The following PTPRS variants were observed in gnomAD, a reference collection of about 807,000 sequenced individuals.
PTPRS encodes the protein receptor-type tyrosine-protein phosphatase S.
A neutral mutation model predicts 215.3 loss-of-function variants in PTPRS; 63 were observed. That is an observed-to-expected ratio of 0.29 (90% CI 0.24 to 0.36). The LOEUF (loss-of-function observed/expected upper bound fraction) is 0.36, where lower values mean the gene tolerates loss of function less well. Among genes scored for constraint, PTPRS ranks in the 10% least tolerant of loss-of-function variants. The pLI, the probability that PTPRS is intolerant of heterozygous loss-of-function variation, is 1.00. For missense variants in PTPRS, 2,258 were observed against 2,825.8 expected, an observed-to-expected ratio of 0.80 and a Z score of 4.56; for synonymous variants, 1,404 against 1,191.4, an observed-to-expected ratio of 1.18 and a Z score of -3.68.
At chr19:5,266,995 G>A (rs1345033666) in intron 4 of PTPRS, among the ~76,000 whole-genome samples, 2 of 152,068 alleles carry the variant, frequency 1.3e-5, no homozygotes, top group African/African-American at 4.8e-5. Flanking sequence ...TATCTGTAAC[G>A]GTGCATCTGT....
At chr19:5,318,751 C>T (rs2049946543) in intron 1 of PTPRS, among the ~76,000 whole-genome samples, 1 of 152,190 alleles carries the variant, frequency 6.6e-6, no homozygotes, top group Admixed American at 6.5e-5. Flanking sequence ...CTCCTGGGCT[C>T]AAGTGATCCT....
At chr19:5,219,575 T>C in intron 22 of PTPRS, 108 bp from the exon 23 acceptor site, 1 of 1,338,370 alleles carries the variant, frequency 7.5e-7, no homozygotes, top group South Asian at 1.5e-5. Context: ...TAGATCCTCC[T>C]ATATTCCTAG....
At chr19:5,278,949 G>C (rs1048825856) in intron 2 of PTPRS, among the ~76,000 whole-genome samples, 1 of 151,950 alleles carries the variant, frequency 6.6e-6, no homozygotes, top group African/African-American at 2.4e-5. Context: ...CCAGCACTTT[G>C]AGAGGCTGGG....
At chr19:5,329,553 CAGG>C (rs1379600973) in intron 1 of PTPRS, among the ~76,000 whole-genome samples, 1 of 151,788 alleles carries the variant, frequency 6.6e-6, no homozygotes, top group Non-Finnish European at 1.5e-5. Flanking sequence ...ATCACGAGGT[CAGG>C]AGATCAAGAC....
intron 1 of PTPRS, among the ~76,000 whole-genome samples, chr19:5,330,272 C>T (rs1049415044): frequency 6.6e-6 from 1 of 152,094 alleles, no homozygotes; most frequent in Non-Finnish European, 1.5e-5. Context: ...TGAGAAAGGG[C>T]TTGTCATTCC....
intron 12 of PTPRS, among the ~76,000 whole-genome samples, chr19:5,239,737 G>C (rs958998626): frequency 1.3e-5 from 2 of 151,742 alleles, no homozygotes; most frequent in Non-Finnish European, 2.9e-5. Flanking sequence ...CAGATACAGA[G>C]ACAGAGACAG....
chr19:5,235,972 C>T (rs1349347873), intron 13 of PTPRS, among the ~76,000 whole-genome samples: 1 of 152,242 alleles, frequency 6.6e-6, no homozygotes, highest in Admixed American at 6.5e-5. Context: ...GTGCAGCACC[C>T]TCAGCCCATG....
Position 5,229,568 on chromosome 19 carries a change from C to G in PTPRS, c.2272G>C (p.Val758Leu), listed in dbSNP as rs2042838508. 1.4e-6 allele frequency: 2 copies of G among 1,457,172 alleles called. No individual in the cohort carries two copies. The highest frequency in any genetic ancestry group is 1.8e-6 in the Non-Finnish European group (2 of 1,105,888). The allele number at this position is 1,457,172 out of a possible 1,614,324, so 90.3% of individuals were successfully genotyped here. A position where few individuals can be genotyped will look rare whatever the true frequency, so the allele number is the denominator to read the frequency against. ...RQHGQIRGYQVHYVRMEGAEA... is the reference protein window; with the variant it reads ...RQHGQIRGYQLHYVRMEGAEA... ...GCGCCCTCCATGCGCACGTAGTGGA[C>G]CTGGTAGCCGCGGATCTGGCCGTGC... The change falls in exon 15 of 38, where the codon GTC becomes CTC. Residue 758 changes from valine (V) to leucine (L), a missense_variant. By Grantham distance (32) the Val-to-Leu change is conservative. Transcript: ENST00000262963.
At chr19:5,284,040 A>T (rs2048110118) in intron 2 of PTPRS, among the ~76,000 whole-genome samples, 1 of 151,180 alleles carries the variant, frequency 6.6e-6, no homozygotes, top group African/African-American at 2.4e-5. Flanking sequence ...CACAGTAAGA[A>T]CTCCATCTCT....
At position 5,222,672 on chromosome 19, in the gene PTPRS, G is replaced by T; in HGVS notation, c.3103+17C>A. The stretch of plus-strand genomic sequence containing the variant: ...AGGCCCGGTCCGGCTCTGGTGCAGG[G>T]GTCGCCGCGCGCCTACCTTGGTCCC... On this transcript the variant is annotated intron_variant, in intron 18 of 37. Coordinates refer to ENST00000262963, the MANE Select transcript of PTPRS (RefSeq NM_002850.4). The T allele has an allele frequency of 6.5e-7, 1 of 1,542,498 alleles. No homozygotes were observed.
Position 5,236,848 on chromosome 19 carries a change from G to GAA in PTPRS, c.1849+2070_1849+2071insTT, listed in dbSNP as rs201543336. On this transcript the variant is annotated intron_variant, in intron 13 of 37. Coordinates refer to ENST00000262963, the MANE Select transcript of PTPRS (RefSeq NM_002850.4). ...GCGGGGAATCAGGCAGGGAGCAGGG[G>GAA]GAAAAAAAAAAAAAAAACAACAATC... is the stretch of plus-strand genomic sequence containing the variant. Among the ~76,000 whole-genome samples, 600 of 126,116 alleles carry GAA rather than the reference G, an allele frequency of 4.8e-3. 7 individuals are homozygous for GAA. Among genetic ancestry groups the GAA allele is most frequent in the Middle Eastern group, 0.011 (3 of 268 alleles). 82.7% of individuals were successfully genotyped at this position (126,116 alleles called of 152,430 possible). A position where few individuals can be genotyped will look rare whatever the true frequency, so the allele number is the denominator to read the frequency against.
At chr19:5,281,037 C>T (rs2047805823) in intron 2 of PTPRS, among the ~76,000 whole-genome samples, 1 of 151,788 alleles carries the variant, frequency 6.6e-6, no homozygotes, top group South Asian at 2.1e-4. Flanking sequence ...AATGATCCAC[C>T]CACCTCAGCC....
intron 9 of PTPRS, among the ~76,000 whole-genome samples, chr19:5,248,480 C>G (rs558912342): frequency 1.8e-4 from 27 of 152,204 alleles, no homozygotes; most frequent in Non-Finnish European, 3.5e-4. Context: ...CGCCCTCCCC[C>G]TGGCAGAACA....
chr19:5,335,513 A>C (rs551974410), intron 1 of PTPRS, among the ~76,000 whole-genome samples: 24 of 152,292 alleles, frequency 1.6e-4, no homozygotes, highest in South Asian at 2.1e-4. Context: ...GGAAGGAAGG[A>C]AGGCAGGCAG....
intron 9 of PTPRS, among the ~76,000 whole-genome samples, chr19:5,248,602 C>T (rs1013893467): frequency 3.9e-5 from 6 of 152,184 alleles, no homozygotes; most frequent in Admixed American, 1.3e-4. Flanking sequence ...CAACCCAGCC[C>T]GACTCAAGTC....
At chr19:5,290,994 C>T (rs1310740656) in intron 1 of PTPRS, among the ~76,000 whole-genome samples, 2 of 151,768 alleles carry the variant, frequency 1.3e-5, no homozygotes, top group African/African-American at 4.8e-5. Context: ...CAGCTCTGGC[C>T]AAGCCACTGT....
intron 4 of PTPRS, among the ~76,000 whole-genome samples, chr19:5,266,844 C>T (rs562759872): frequency 4.9e-4 from 75 of 152,238 alleles, no homozygotes; most frequent in African/African-American, 1.7e-3. Context: ...CCCCCTCCCT[C>T]GGGTCACCTG....
chr19:5,213,139 C>A (rs1007300981), intron 30 of PTPRS, among the ~76,000 whole-genome samples: 1 of 152,228 alleles, frequency 6.6e-6, no homozygotes, highest in African/African-American at 2.4e-5. Context: ...CCCAATCCAC[C>A]TGCTCCATGT....
intron 1 of PTPRS, among the ~76,000 whole-genome samples, chr19:5,312,012 A>T (rs2049720296): frequency 6.6e-6 from 1 of 151,870 alleles, no homozygotes; most frequent in Non-Finnish European, 1.5e-5. Context: ...ACTGCATTCC[A>T]GCCTGGGAGA....
Sources: gnomAD v4.1 joint callset for allele counts (sites outside exome capture counted in the v4.1 genomes callset) on GRCh38, gnomAD v4.1.1 for gene constraint, MANE v1.5 for transcripts, NCBI Gene and HGNC (gene_info 2026-07-23, HGNC 2026-07-21) for gene names.